Variants in KCNT2 observed in about 807,000 individuals in gnomAD.
KCNT2 encodes the protein potassium channel subfamily T member 2.
In KCNT2, 67 loss-of-function variants were observed where a neutral mutation model predicts 153.8. The observed-to-expected ratio is 0.44, with a 90% CI of 0.36 to 0.53. The LOEUF (loss-of-function observed/expected upper bound fraction) is 0.53, where lower values mean the gene tolerates loss of function less well. Among genes scored for constraint, KCNT2 ranks in the 20% least tolerant of loss-of-function variants. The pLI is 0.00. For missense variants in KCNT2, 975 were observed against 1,354.8 expected (o/e 0.72, Z 4.40); for synonymous variants, 500 against 458.8 (o/e 1.09, Z -1.15).
rs192283076 is a variant in KCNT2, at chr1:196,430,727, T to A, written c.639-970A>T. ...CAGTAAGAGAGCAGCGTAAAAGTTG[T>A]TAGATGTCCTCAAATTAGAAATGTG... On this transcript the variant is annotated intron_variant, in intron 8 of 27. Coordinates refer to ENST00000294725, the MANE Select transcript of KCNT2 (RefSeq NM_198503.5). Among the ~76,000 whole-genome samples the A allele has an allele frequency of 7.9e-5, 12 of 152,180 alleles. No homozygotes were observed. The East Asian group carries it at 2.1e-3, about 27-fold the overall frequency.
At chr1:196,569,812 T>C (rs1175879060) in intron 1 of KCNT2, among the ~76,000 whole-genome samples, 2 of 152,082 alleles carry the variant, frequency 1.3e-5, no homozygotes, top group African/African-American at 4.8e-5. Context: ...TTCGCCCAAA[T>C]TGGCCAGATT....
intron 25 of KCNT2, among the ~76,000 whole-genome samples, chr1:196,269,693 T>G (rs1657889808): frequency 6.6e-6 from 1 of 152,090 alleles, no homozygotes; most frequent in Admixed American, 6.6e-5. Flanking sequence ...AAAATACCTA[T>G]TGTTATAAAG....
chr1:196,235,869 G>C (rs1242017166), intron 27 of KCNT2, 117 bp downstream of exon 27: 2 of 612,222 alleles, frequency 3.3e-6, no homozygotes, highest in African/African-American at 3.8e-5. Flanking sequence ...ATTAGGTATA[G>C]ACTATTTAAG....
rs1298614855 is a variant in KCNT2, at chr1:196,359,302, C to T, written c.1403+13838G>A. ...CCGTGATTTCCAACAGAAAATATTG[C>T]TTTGTTTACTTTCCATCTCCCAGAA... On this transcript the variant is annotated intron_variant, in intron 14 of 27. Coordinates refer to ENST00000294725, the MANE Select transcript of KCNT2 (RefSeq NM_198503.5). 2.6e-5 allele frequency among the ~76,000 whole-genome samples: 4 copies of T among 151,930 alleles called. No individual in the cohort carries two copies. In the East Asian group the frequency reaches 5.8e-4, roughly 22 times the overall value.
chr1:196,448,285 T>A (rs1051345357), intron 8 of KCNT2, among the ~76,000 whole-genome samples: 1 of 151,612 alleles, frequency 6.6e-6, no homozygotes, highest in African/African-American at 2.4e-5. Flanking sequence ...TTAAAAGAGA[T>A]AATGCAAGCA....
At chr1:196,431,321 G>C (rs1358407509) in intron 8 of KCNT2, among the ~76,000 whole-genome samples, 1 of 152,072 alleles carries the variant, frequency 6.6e-6, no homozygotes, top group Non-Finnish European at 1.5e-5. Flanking sequence ...TTTGGAATTG[G>C]GTAATGGGTA....
intron 12 of KCNT2, among the ~76,000 whole-genome samples, chr1:196,421,877 C>T (rs74525242): frequency 1.3e-5 from 2 of 152,114 alleles, no homozygotes; most frequent in East Asian, 3.9e-4. Flanking sequence ...ATGTATATTG[C>T]CGTCTTCATG....
intron 1 of KCNT2, among the ~76,000 whole-genome samples, chr1:196,498,426 T>C (rs999944726): frequency 6.6e-6 from 1 of 152,128 alleles, no homozygotes; most frequent in African/African-American, 2.4e-5. Flanking sequence ...AAGTGCTTTT[T>C]CCCTCCCTCT....
intron 25 of KCNT2, among the ~76,000 whole-genome samples, chr1:196,276,989 T>C (rs146685849): frequency 1.0e-3 from 158 of 152,268 alleles, no homozygotes; most frequent in Middle Eastern, 0.01. Context: ...ACCCTTACCA[T>C]TTGGAAACTA....
rs73067664 is a variant in KCNT2 at position 196,426,800 on chromosome 1, G to A, written c.985-812C>T. Among the ~76,000 whole-genome samples the A allele has an allele frequency of 8.9e-3, 1,356 of 151,854 alleles. 22 individuals are homozygous for A. The highest frequency in any genetic ancestry group is 0.03 in the African/African-American group (1,257 of 41,430). On this transcript the variant is annotated intron_variant, in intron 10 of 27. Coordinates refer to ENST00000294725, the MANE Select transcript of KCNT2 (RefSeq NM_198503.5). Reference sequence around the variant, plus strand: ...CAAATGTTAAGAGAGGGGCCTGATGGGAGATGACTGAATCACGGTGGCAGA... The same window carrying A: ...CAAATGTTAAGAGAGGGGCCTGATGAGAGATGACTGAATCACGGTGGCAGA...
intron 14 of KCNT2, among the ~76,000 whole-genome samples, chr1:196,348,658 A>T (rs1046475769): frequency 1.3e-5 from 2 of 152,158 alleles, no homozygotes; most frequent in Non-Finnish European, 2.9e-5. Context: ...TTAAAAAATA[A>T]CAGAATATGG....
chr1:196,319,399 C>A (rs1240037552), intron 20 of KCNT2, 85 bp downstream of exon 20: 2 of 733,738 alleles, frequency 2.7e-6, no homozygotes, highest in Non-Finnish European at 2.3e-6. Flanking sequence ...CGGCAAATTA[C>A]ACTCATCATG....
At chr1:196,596,744 C>A (rs1339040086) in intron 1 of KCNT2, among the ~76,000 whole-genome samples, 1 of 152,082 alleles carries the variant, frequency 6.6e-6, no homozygotes, top group African/African-American at 2.4e-5. Context: ...GACAGGGTCT[C>A]GTGCTGGCAT....
chr1:196,569,939 G>C (rs1368067099), intron 1 of KCNT2, among the ~76,000 whole-genome samples: 2 of 152,168 alleles, frequency 1.3e-5, no homozygotes, highest in Non-Finnish European at 2.9e-5. Context: ...GTGAAGAAAG[G>C]TGTAGAGATT....
At chr1:196,420,909 G>A (rs866829927) in intron 12 of KCNT2, among the ~76,000 whole-genome samples, 25 of 152,136 alleles carry the variant, frequency 1.6e-4, no homozygotes, top group African/African-American at 6.0e-4. Context: ...AAAGTAACCA[G>A]CAATGGATAT....
At chr1:196,605,214 G>C (rs1200975439) in intron 1 of KCNT2, among the ~76,000 whole-genome samples, 1 of 152,204 alleles carries the variant, frequency 6.6e-6, no homozygotes, top group Admixed American at 6.5e-5. Flanking sequence ...TCTTGATGCA[G>C]ATTCTCCCAG....
chr1:196,545,963 G>C (rs1344707407), intron 1 of KCNT2, among the ~76,000 whole-genome samples: 1 of 151,796 alleles, frequency 6.6e-6, no homozygotes, highest in African/African-American at 2.4e-5. Flanking sequence ...GGCTATTATG[G>C]GTAACACTGC....
At chr1:196,519,482 A>G (rs537245227) in intron 1 of KCNT2, among the ~76,000 whole-genome samples, 1 of 152,188 alleles carries the variant, frequency 6.6e-6, no homozygotes, top group East Asian at 1.9e-4. Flanking sequence ...AAGAAAAACA[A>G]ATAAAAAAAT....
chr1:196,386,396 C>T (rs7532681), intron 13 of KCNT2, among the ~76,000 whole-genome samples: 13 of 152,170 alleles, frequency 8.5e-5, no homozygotes, highest in Admixed American at 2.0e-4. Context: ...TACTAGCTTA[C>T]GAAATTGCAA....
Sources: allele counts gnomAD v4.1 joint callset (sites outside exome capture counted in the v4.1 genomes callset), GRCh38; gene constraint gnomAD v4.1.1; transcripts MANE v1.5; gene names NCBI Gene and HGNC (gene_info 2026-07-23, HGNC 2026-07-21).